Variants in KMT2C observed in about 807,000 individuals in gnomAD.
The protein encoded by KMT2C is lysine methyltransferase 2C, also known as histone-lysine N-methyltransferase 2C.
In KMT2C, 88 loss-of-function variants were observed where a neutral mutation model predicts 507.9. The observed-to-expected ratio is 0.17, with a 90% confidence interval of 0.15 to 0.21. The LOEUF (loss-of-function observed/expected upper bound fraction) is 0.21. KMT2C is among the 10% of genes least tolerant of loss of function. The pLI is 1.00. For synonymous variants in KMT2C, 2,049 were observed against 2,080.8 expected, an observed-to-expected ratio of 0.98 and a Z score of 0.42; for missense variants, 4,954 against 5,957.8, an observed-to-expected ratio of 0.83 and a Z score of 5.55.
At chr7:152,413,445 T>C (rs986791408) in intron 1 of KMT2C, among the ~76,000 whole-genome samples, 35 of 152,028 alleles carry the variant, frequency 2.3e-4, no homozygotes, top group Admixed American at 1.0e-3. Flanking sequence ...CAAAGAACCA[T>C]CTATAATGAA....
At chr7:152,389,992 G>A (rs112512913) in intron 1 of KMT2C, among the ~76,000 whole-genome samples, 1 of 134,534 alleles carries the variant, frequency 7.4e-6, no homozygotes, top group African/African-American at 2.8e-5. Context: ...GGTCTCATTT[G>A]TAAGTGGGAG....
At chr7:152,147,994 G>T (rs2091309838) in intron 52 of KMT2C, 39 bp downstream of exon 52, 7 of 1,504,350 alleles carry the variant, frequency 4.7e-6, no homozygotes, top group African/African-American at 2.8e-5. Flanking sequence ...TGACATCAGA[G>T]TAAGTAGCAC....
At chr7:152,372,207 C>T (rs1239290690) in intron 1 of KMT2C, among the ~76,000 whole-genome samples, 1 of 152,104 alleles carries the variant, frequency 6.6e-6, no homozygotes, top group East Asian at 1.9e-4. Context: ...CCAGACTGGA[C>T]TGCGATGGTG....
intron 1 of KMT2C, among the ~76,000 whole-genome samples, chr7:152,368,886 A>G (rs1330466897): frequency 6.6e-6 from 1 of 152,156 alleles, no homozygotes; most frequent in East Asian, 1.9e-4. Flanking sequence ...TACCTTTCCT[A>G]CATTTTCTTT....
intron 2 of KMT2C, among the ~76,000 whole-genome samples, chr7:152,347,959 T>C (rs1365712557): frequency 6.6e-6 from 1 of 151,694 alleles, no homozygotes; most frequent in Non-Finnish European, 1.5e-5. Context: ...GGGCCAACTG[T>C]TTCAGAAAGG....
intron 40 of KMT2C, 93 bp from the exon 41 acceptor site, chr7:152,169,342 A>C (rs1283985026): frequency 2.7e-6 from 2 of 727,306 alleles, no homozygotes; most frequent in Non-Finnish European, 4.7e-6. Context: ...AAAGAAATGG[A>C]AGAAAAAACC....
At chr7:152,202,875 AATAC>A in intron 26 of KMT2C, 55 bp downstream of exon 26, 1 of 1,337,352 alleles carries the variant, frequency 7.5e-7, no homozygotes, top group Non-Finnish European at 1.0e-6. Flanking sequence ...TTTAAAACTC[AATAC>A]ATTTTATTTC....
chr7:152,329,221 T>A (rs1047391608), intron 3 of KMT2C, among the ~76,000 whole-genome samples: 1 of 151,858 alleles, frequency 6.6e-6, no homozygotes, highest in African/African-American at 2.4e-5. Context: ...TAGCAAAAGA[T>A]AAAATGAGGA....
intron 31 of KMT2C, among the ~76,000 whole-genome samples, chr7:152,191,221 G>C (rs2093782200): frequency 6.6e-6 from 1 of 152,064 alleles, no homozygotes; most frequent in South Asian, 2.1e-4. Context: ...AACTGCAACT[G>C]CCTGTAAGTC....
intron 23 of KMT2C, among the ~76,000 whole-genome samples, chr7:152,215,966 T>A (rs1424894127): frequency 1.3e-5 from 2 of 152,116 alleles, no homozygotes; most frequent in East Asian, 3.8e-4. Context: ...GTAACAAACC[T>A]CAAGGAAGCA....
chr7:152,261,072 CCAAA>C (rs780825581), intron 9 of KMT2C, among the ~76,000 whole-genome samples: 95 of 152,416 alleles, frequency 6.2e-4, no homozygotes, highest in Non-Finnish European at 7.9e-4. Context: ...AACCATCAAT[CCAAA>C]CAGTTACCTC....
chr7:152,190,100 C>A (rs1024692366), intron 31 of KMT2C, among the ~76,000 whole-genome samples: 6 of 152,286 alleles, frequency 3.9e-5, no homozygotes, highest in Non-Finnish European at 2.9e-5. Context: ...TGAGGTGGAA[C>A]AGTTTCATCG....
intron 26 of KMT2C, among the ~76,000 whole-genome samples, chr7:152,199,680 A>G (rs1471746097): frequency 6.6e-6 from 1 of 152,226 alleles, no homozygotes; most frequent in Non-Finnish European, 1.5e-5. Flanking sequence ...TAGCTTTACT[A>G]GAGACAAAAT....
intron 31 of KMT2C, among the ~76,000 whole-genome samples, chr7:152,190,331 T>C (rs964963118): frequency 2.6e-5 from 4 of 152,212 alleles, no homozygotes; most frequent in African/African-American, 9.6e-5. Flanking sequence ...CTACCGATAT[T>C]ACAATAATAA....
intron 1 of KMT2C, among the ~76,000 whole-genome samples, chr7:152,398,382 C>T (rs1390438923): frequency 6.6e-6 from 1 of 151,930 alleles, no homozygotes; most frequent in African/African-American, 2.4e-5. Context: ...CACAAAGTGA[C>T]AAAATCAAAT....
In KMT2C at chr7:152,194,579, A is replaced by G. The variant is rs1392203216; in HGVS notation, c.4379-11T>C. On this transcript the variant is annotated splice_polypyrimidine_tract_variant and intron_variant, in intron 28 of 58. Transcript: ENST00000262189. Reference sequence around the variant, plus strand: ...TGACAGGACCAATATCTACAAGAGTAAGGAAAATAAATTTAAAGGTACATT... The same window carrying G: ...TGACAGGACCAATATCTACAAGAGTGAGGAAAATAAATTTAAAGGTACATT... 6.2e-7 allele frequency: 1 copy of G among 1,608,678 alleles called. No homozygotes were observed. The highest frequency in any genetic ancestry group is 2.2e-5 in the East Asian group (1 of 44,732).
chr7:152,169,380 G>A (rs970994334), intron 40 of KMT2C, 131 bp from the exon 41 acceptor site: 2 of 622,654 alleles, frequency 3.2e-6, no homozygotes, highest in Non-Finnish European at 5.6e-6. Flanking sequence ...ATCTTTTAAA[G>A]GTTTTTTTAT....
At chr7:152,350,907 CT>C (rs1225406998) in intron 2 of KMT2C, among the ~76,000 whole-genome samples, 1 of 152,118 alleles carries the variant, frequency 6.6e-6, no homozygotes, top group Non-Finnish European at 1.5e-5. Flanking sequence ...CAAAAAAAAT[CT>C]TCCTTTCTAC....
At chr7:152,376,151 C>T (rs1438289658) in intron 1 of KMT2C, among the ~76,000 whole-genome samples, 1 of 152,200 alleles carries the variant, frequency 6.6e-6, no homozygotes, top group Non-Finnish European at 1.5e-5. Flanking sequence ...ACCACGCCCA[C>T]ATAAGATGGC....
Sources: gnomAD v4.1 joint callset for allele counts (sites outside exome capture counted in the v4.1 genomes callset) on GRCh38, gnomAD v4.1.1 for gene constraint, MANE v1.5 for transcripts, NCBI Gene and HGNC (gene_info 2026-07-23, HGNC 2026-07-21) for gene names.